FGD4: variants seen among roughly 807,000 people sequenced by gnomAD.
The protein encoded by FGD4 is FYVE, RhoGEF and PH domain-containing protein 4.
FGD4 carries 42 observed loss-of-function variants against 102.0 expected under a neutral mutation model. That is an observed-to-expected ratio of 0.41 (90% CI 0.32 to 0.53). The LOEUF (loss-of-function observed/expected upper bound fraction) is 0.53, where lower values mean the gene tolerates loss of function less well. Among genes scored for constraint, FGD4 ranks in the 20% least tolerant of loss-of-function variants. The pLI, the probability that FGD4 is intolerant of heterozygous loss-of-function variation, is 0.21. For synonymous variants in FGD4, 380 were observed against 375.7 expected, an observed-to-expected ratio of 1.01 and a Z score of -0.13; for missense variants, 902 against 1,078.2, an observed-to-expected ratio of 0.84 and a Z score of 2.29.
chr12:32,407,807 T>G (rs1330725130), intron 1 of FGD4, among the ~76,000 whole-genome samples: 1 of 152,118 alleles, frequency 6.6e-6, no homozygotes, highest in Non-Finnish European at 1.5e-5. Context: ...CACTTCAGAC[T>G]TGGTTTATAG....
chr12:32,605,358 A>G lies in FGD4; in HGVS notation c.1405-2599A>G, dbSNP rs563089474. Among the ~76,000 whole-genome samples the G allele has an allele frequency of 2.0e-5, 3 of 150,038 alleles. No homozygotes were observed. In the East Asian group the frequency reaches 5.9e-4, roughly 29 times the overall value. Reference sequence around the variant, plus strand: ...ACATTCTTTTATTTTGTAATTAAACACTCCCCTACCTTACTGAATATTGGG... The same window carrying G: ...ACATTCTTTTATTTTGTAATTAAACGCTCCCCTACCTTACTGAATATTGGG... On this transcript the variant is annotated intron_variant, in intron 7 of 16. Transcript: ENST00000534526.
In FGD4 at chr12:32,638,800, C is replaced by A; in HGVS notation, c.2454+5C>A. On this transcript the variant is annotated splice_donor_5th_base_variant and intron_variant, in intron 16 of 16. Coordinates refer to ENST00000534526, the MANE Select transcript of FGD4 (RefSeq NM_001370298.3). Reference sequence around the variant, plus strand: ...TACATGTATGGTGCCCCCCAGGTATCTAAACCACATCTGTCTGAAGGGACA... The same window carrying A: ...TACATGTATGGTGCCCCCCAGGTATATAAACCACATCTGTCTGAAGGGACA... The A allele has an allele frequency of 6.2e-7, 1 of 1,613,950 alleles. No homozygotes were observed. The highest frequency in any genetic ancestry group is 8.5e-7 in the Non-Finnish European group (1 of 1,179,896).
chr12:32,480,708 C>T (rs1349899508), intron 1 of FGD4, among the ~76,000 whole-genome samples: 3 of 151,554 alleles, frequency 2.0e-5, no homozygotes, highest in Non-Finnish European at 4.4e-5. Flanking sequence ...ACCATGTTGG[C>T]CAGGATGCTC....
chr12:32,480,796 G>A (rs1310257611), intron 1 of FGD4, among the ~76,000 whole-genome samples: 1 of 145,582 alleles, frequency 6.9e-6, no homozygotes, highest in Non-Finnish European at 1.5e-5. Flanking sequence ...ACCACGCCCG[G>A]CCTTTTTTTT....
chr12:32,580,530 CAA>C lies in FGD4; in HGVS notation c.504-1428_504-1427del, dbSNP rs1005216217. The stretch of plus-strand genomic sequence containing the variant: ...TCTCGTTTAGGTCACAGGAATCTTT[CAA>C]AGAGTATAGCCCACAGTTTTGTGCT... On this transcript the variant is annotated intron_variant, in intron 3 of 16. Transcript: ENST00000534526. Among the ~76,000 whole-genome samples the C allele has an allele frequency of 2.0e-5, 3 of 152,218 alleles. No homozygotes were observed. In the East Asian group the frequency reaches 5.8e-4, roughly 29 times the overall value.
chr12:32,443,293 C>T (rs917804084), intron 1 of FGD4, among the ~76,000 whole-genome samples: 33 of 152,178 alleles, frequency 2.2e-4, no homozygotes, highest in Admixed American at 1.8e-3. Context: ...GAGAAGATTA[C>T]TTCAGCCCAG....
At position 32,502,163 on chromosome 12, in the gene FGD4, A is replaced by C. The variant is rs192626243; in HGVS notation, c.167-61974A>C. ...GTTCACTCCCCACCGGAATGTGATT[A>C]TCCTTGCTGGGCTGGGAAGTGGGGA... On this transcript the variant is annotated intron_variant, in intron 1 of 16. Coordinates refer to ENST00000534526, the MANE Select transcript of FGD4 (RefSeq NM_001370298.3). 66 of 985,518 alleles carry C rather than the reference A, an allele frequency of 6.7e-5. No individual in the cohort carries two copies. In the East Asian group the frequency reaches 5.6e-3, roughly 83 times the overall value. The allele number at this position is 985,518 out of a possible 1,614,324, so 61.0% of individuals were successfully genotyped here.
Position 32,499,853 on chromosome 12 carries a change from T to C in FGD4, c.167-64284T>C, listed in dbSNP as rs533455515. Among the ~76,000 whole-genome samples the C allele has an allele frequency of 9.9e-5, 15 of 152,260 alleles. No individual in the cohort carries two copies. In the East Asian group the frequency reaches 1.9e-3, roughly 20 times the overall value. Reference sequence around the variant, plus strand: ...CAGCATGGCGAAACTCCGTCTGTACTAAAAATACAAAAAAATTAGCTGGGT... The same window carrying C: ...CAGCATGGCGAAACTCCGTCTGTACCAAAAATACAAAAAAATTAGCTGGGT... On this transcript the variant is annotated intron_variant, in intron 1 of 16. Transcript: ENST00000534526.
intron 1 of FGD4, among the ~76,000 whole-genome samples, chr12:32,488,834 G>A (rs191829946): frequency 0.01 from 1,556 of 152,268 alleles, 19 homozygotes; most frequent in African/African-American, 0.034. Flanking sequence ...AGCTACTCGG[G>A]AGGCTGAGGC....
At chr12:32,421,018 A>G (rs1051858460) in intron 1 of FGD4, among the ~76,000 whole-genome samples, 6 of 152,104 alleles carry the variant, frequency 3.9e-5, no homozygotes, top group African/African-American at 1.2e-4. Flanking sequence ...TTGGCCTCTC[A>G]AAGTACTGGG....
Position 32,399,628 on chromosome 12 carries a change from C to T in FGD4, c.-166C>T. On this transcript the variant is annotated 5_prime_UTR_variant, in exon 1 of 17. Transcript: ENST00000534526. ...AACTCGCCGCGACGCCGGGAGGGAG[C>T]GTACCGGGAAGGAGAGGGAGAGGAG... 1 of 1,398,368 alleles carries T rather than the reference C, an allele frequency of 7.2e-7. No individual in the cohort carries two copies. The highest frequency in any genetic ancestry group is 2.9e-5 in the East Asian group (1 of 34,720). The allele number at this position is 1,398,368 out of a possible 1,614,324, so 86.6% of individuals were successfully genotyped here. A position where few individuals can be genotyped will look rare whatever the true frequency, so the allele number is the denominator to read the frequency against.
At chr12:32,629,940 G>T (rs1456291782) in intron 14 of FGD4, among the ~76,000 whole-genome samples, 2 of 152,040 alleles carry the variant, frequency 1.3e-5, no homozygotes, top group African/African-American at 4.8e-5. Context: ...GCTGTAATTG[G>T]TCTCTTCTCA....
At chr12:32,527,650 G>C (rs112944850) in intron 1 of FGD4, among the ~76,000 whole-genome samples, 1 of 152,122 alleles carries the variant, frequency 6.6e-6, no homozygotes, top group Admixed American at 6.5e-5. Context: ...GGATGGTCTC[G>C]ATCTCCTGAC....
intron 8 of FGD4, among the ~76,000 whole-genome samples, chr12:32,609,928 A>T (rs999841): frequency 9.2e-5 from 14 of 151,946 alleles, no homozygotes; most frequent in African/African-American, 3.4e-4. Flanking sequence ...GCACTTCACC[A>T]GCAGCCTCTG....
At chr12:32,570,979 G>A (rs1250560506) in intron 2 of FGD4, among the ~76,000 whole-genome samples, 10 of 152,194 alleles carry the variant, frequency 6.6e-5, no homozygotes, top group South Asian at 4.1e-4. Context: ...AAAAATAGAC[G>A]TCTCATATAT....
At chr12:32,423,563 G>A (rs1941726096) in intron 1 of FGD4, among the ~76,000 whole-genome samples, 1 of 141,856 alleles carries the variant, frequency 7.0e-6, no homozygotes, top group Non-Finnish European at 1.5e-5. Flanking sequence ...CTGCATTCCA[G>A]CCTGGGCAAC....
At chr12:32,584,770 T>G (rs1339251866) in intron 4 of FGD4, among the ~76,000 whole-genome samples, 1 of 152,202 alleles carries the variant, frequency 6.6e-6, no homozygotes, top group East Asian at 1.9e-4. Context: ...TTAATTTCAA[T>G]ATGCAGACAA....
At chr12:32,625,402 T>C (rs1418136742) in intron 13 of FGD4, among the ~76,000 whole-genome samples, 1 of 151,684 alleles carries the variant, frequency 6.6e-6, no homozygotes, top group Non-Finnish European at 1.5e-5. Flanking sequence ...CCCGAGTAGC[T>C]GGGATTATAC....
chr12:32,590,234 C>T (rs528912472), intron 4 of FGD4, among the ~76,000 whole-genome samples: 69 of 150,278 alleles, frequency 4.6e-4, no homozygotes, highest in African/African-American at 1.5e-3. Flanking sequence ...CACTTGAACC[C>T]GAGAGGCAGA....
Sources: gnomAD v4.1 joint callset for allele counts (sites outside exome capture counted in the v4.1 genomes callset) on GRCh38, gnomAD v4.1.1 for gene constraint, MANE v1.5 for transcripts, NCBI Gene and HGNC (gene_info 2026-07-23, HGNC 2026-07-21) for gene names.